The following SNX29 variants were observed in gnomAD, a reference collection of about 807,000 sequenced individuals.
SNX29 encodes the protein sorting nexin-29.
A neutral mutation model predicts 102.1 loss-of-function variants in SNX29; 78 were observed. The observed-to-expected ratio is 0.76, with a 90% CI of 0.64 to 0.92. The LOEUF is 0.92. Among genes scored for constraint, SNX29 ranks in the 40% least tolerant of loss-of-function variants. SNX29 has a pLI of 0.00. For synonymous variants in SNX29, 580 were observed against 414.5 expected (o/e 1.40, Z -4.85); for missense variants, 1,280 against 1,061.7 (o/e 1.21, Z -2.86).
intron 13 of SNX29, among the ~76,000 whole-genome samples, chr16:12,189,865 T>C (rs1397060158): frequency 6.6e-6 from 1 of 152,100 alleles, no homozygotes; most frequent in Non-Finnish European, 1.5e-5. Context: ...GTGGGAACTT[T>C]TATGAGCTGG....
At chr16:12,110,579 T>C (rs756201362) in intron 11 of SNX29, among the ~76,000 whole-genome samples, 3 of 152,130 alleles carry the variant, frequency 2.0e-5, no homozygotes, top group Non-Finnish European at 4.4e-5. Flanking sequence ...CTTGACTCCC[T>C]TTGGTTTCTG....
Position 12,507,841 on chromosome 16 carries a change from G to T in SNX29, c.2179-16861G>T, listed in dbSNP as rs569218523. On this transcript the variant is annotated intron_variant, in intron 19 of 20. Transcript: ENST00000566228. ...AAAGGTCTTGACAGGTGGCGCTTCTGTGCTCTGCTGTCTCCTTTCTCCAGT... is the reference window on the plus strand; with the variant it reads ...AAAGGTCTTGACAGGTGGCGCTTCTTTGCTCTGCTGTCTCCTTTCTCCAGT... Among the ~76,000 whole-genome samples, 14 of 152,266 alleles carry T rather than the reference G, an allele frequency of 9.2e-5. No homozygotes were observed. The South Asian group carries it at 2.9e-3, about 32-fold the overall frequency.
chr16:12,288,620 G>A (rs1046630795), intron 15 of SNX29, among the ~76,000 whole-genome samples: 3 of 149,562 alleles, frequency 2.0e-5, no homozygotes, highest in African/African-American at 7.4e-5. Flanking sequence ...TATCTGTCCT[G>A]CATCACTATG....
intron 3 of SNX29, among the ~76,000 whole-genome samples, chr16:12,007,380 C>T (rs1414868111): frequency 6.6e-6 from 1 of 152,176 alleles, no homozygotes; most frequent in Non-Finnish European, 1.5e-5. Context: ...TGGTGCCCAC[C>T]TGTAATCCCA....
intron 20 of SNX29, among the ~76,000 whole-genome samples, chr16:12,550,221 C>T (rs989421890): frequency 1.3e-5 from 2 of 152,198 alleles, no homozygotes. Context: ...GAGTACCACA[C>T]AATACCTTTC....
chr16:12,309,939 G>A (rs762718538), intron 15 of SNX29, among the ~76,000 whole-genome samples: 1 of 152,146 alleles, frequency 6.6e-6, no homozygotes, highest in Non-Finnish European at 1.5e-5. Context: ...ATTTTGTCTT[G>A]ATACTTCTTG....
intron 15 of SNX29, among the ~76,000 whole-genome samples, chr16:12,333,338 C>T (rs982967123): frequency 1.3e-5 from 2 of 151,868 alleles, no homozygotes; most frequent in East Asian, 1.9e-4. Context: ...AACTCCTGAC[C>T]TCGTGATCTG....
At position 12,572,416 on chromosome 16, in the gene SNX29, C is replaced by T; in HGVS notation, c.*3787C>T. On this transcript the variant is annotated 3_prime_UTR_variant, in exon 21 of 21. Transcript: ENST00000566228. ...CAGCCTGAGGCAGGGCTCTGTGGCCCAGGCCGGCAGTGGCTGCCTCTCTTG... is the reference window on the plus strand; with the variant it reads ...CAGCCTGAGGCAGGGCTCTGTGGCCTAGGCCGGCAGTGGCTGCCTCTCTTG... The T allele has an allele frequency of 5.6e-6, 6 of 1,063,952 alleles. No homozygotes were observed. Among genetic ancestry groups the T allele is most frequent in the Non-Finnish European group, 5.7e-6 (5 of 878,410 alleles). The allele number at this position is 1,063,952 out of a possible 1,614,324, so 65.9% of individuals were successfully genotyped here. A position where few individuals can be genotyped will look rare whatever the true frequency, so the allele number is the denominator to read the frequency against.
rs545545029 is a variant in SNX29, at chr16:12,398,238, C to T, written c.1900-208C>T. Among the ~76,000 whole-genome samples, 5 of 152,272 alleles carry T rather than the reference C, an allele frequency of 3.3e-5. No individual in the cohort carries two copies. The South Asian group carries it at 1.0e-3, about 32-fold the overall frequency. Reference sequence around the variant, plus strand: ...TTGGCCATAAAGATAATTGAGATCCCTCATGGTGGCATATTTTTATTGCTG... The same window carrying T: ...TTGGCCATAAAGATAATTGAGATCCTTCATGGTGGCATATTTTTATTGCTG... On this transcript the variant is annotated intron_variant, in intron 16 of 20. Transcript: ENST00000566228.
chr16:12,299,979 T>G (rs2080112712), intron 15 of SNX29, among the ~76,000 whole-genome samples: 1 of 151,670 alleles, frequency 6.6e-6, no homozygotes, highest in Non-Finnish European at 1.5e-5. Context: ...CAAGCGATTC[T>G]CCTGCCTCAG....
At position 12,052,040 on chromosome 16, in the gene SNX29, C is replaced by G. The variant is rs150620705; in HGVS notation, c.942C>G (p.Asn314Lys). The G allele has an allele frequency of 9.9e-6, 16 of 1,613,852 alleles. No homozygotes were observed. The highest frequency in any genetic ancestry group is 2.2e-5 in the East Asian group (1 of 44,900). Residue 314 changes from asparagine to lysine, a missense_variant, in exon 8 of 21, where the codon AAC becomes AAG. Transcript: ENST00000566228. Reference protein sequence around the residue: ...MSAFESPFGPNSNGSQSSNSW... With the variant: ...MSAFESPFGPKSNGSQSSNSW... ...CCTTTGAAAGCCCCTTCGGGCCTAACTCCAATGGAAGTCAGAGCAGCAACT... is the reference window on the plus strand; with the variant it reads ...CCTTTGAAAGCCCCTTCGGGCCTAAGTCCAATGGAAGTCAGAGCAGCAACT...
rs1271740817 is a variant in SNX29, at chr16:12,248,194, A to G, written c.1679-29739A>G. Reference sequence around the variant, plus strand: ...CTTTAAGGCTTCCCTTCCTACCTGGAACACAATCATATCCTGAGCCTGGCC... The same window carrying G: ...CTTTAAGGCTTCCCTTCCTACCTGGGACACAATCATATCCTGAGCCTGGCC... On this transcript the variant is annotated intron_variant, in intron 14 of 20. Transcript: ENST00000566228. 2.6e-5 allele frequency among the ~76,000 whole-genome samples: 4 copies of G among 152,124 alleles called. No homozygotes were observed. The East Asian group carries it at 5.8e-4, about 22-fold the overall frequency.
intron 18 of SNX29, among the ~76,000 whole-genome samples, chr16:12,476,405 TATATATAC>T (rs1426834298): frequency 0.055 from 1,171 of 21,112 alleles, 73 homozygotes; most frequent in African/African-American, 0.064. Flanking sequence ...TATATATATA[TATATATAC>T]ATATATATAT....
At chr16:12,455,515 C>T (rs1289906514) in intron 18 of SNX29, among the ~76,000 whole-genome samples, 1 of 152,226 alleles carries the variant, frequency 6.6e-6, no homozygotes, top group Non-Finnish European at 1.5e-5. Flanking sequence ...CCCACATTAG[C>T]CAGTGTTCCT....
chr16:12,551,568 C>T (rs1324085169), intron 20 of SNX29, among the ~76,000 whole-genome samples: 1 of 152,172 alleles, frequency 6.6e-6, no homozygotes, highest in East Asian at 1.9e-4. Flanking sequence ...TTGAGAAGCC[C>T]TGCTTTCAAA....
At chr16:12,388,534 A>T (rs2083412706) in intron 16 of SNX29, among the ~76,000 whole-genome samples, 1 of 152,220 alleles carries the variant, frequency 6.6e-6, no homozygotes, top group Admixed American at 6.5e-5. Context: ...TCAGTTAGGA[A>T]TTGGCAAACA....
chr16:12,276,829 A>G (rs1384495215), intron 14 of SNX29, among the ~76,000 whole-genome samples: 4 of 152,170 alleles, frequency 2.6e-5, no homozygotes, highest in Non-Finnish European at 4.4e-5. Flanking sequence ...ATAATCATGG[A>G]AACACTACTC....
chr16:11,981,933 G>A (rs2055426070), intron 1 of SNX29, among the ~76,000 whole-genome samples: 1 of 152,024 alleles, frequency 6.6e-6, no homozygotes, highest in Non-Finnish European at 1.5e-5. Flanking sequence ...GGTCTGGCGT[G>A]ATTGCTCACG....
At chr16:12,032,216 T>G (rs1320208372) in intron 4 of SNX29, among the ~76,000 whole-genome samples, 49 of 151,454 alleles carry the variant, frequency 3.2e-4, no homozygotes, top group Non-Finnish European at 6.8e-4. Flanking sequence ...TTTTTTTTTT[T>G]TTTTGATGGA....
Sources: allele counts gnomAD v4.1 joint callset (sites outside exome capture counted in the v4.1 genomes callset), GRCh38; gene constraint gnomAD v4.1.1; transcripts MANE v1.5; gene names NCBI Gene and HGNC (gene_info 2026-07-23, HGNC 2026-07-21).